Variants in FBXO7 observed in about 807,000 individuals in gnomAD.
FBXO7 encodes the protein F-box protein 7, also known as F-box only protein 7.
FBXO7 carries 31 observed loss-of-function variants against 50.2 expected under a neutral mutation model. The ratio of observed to expected loss-of-function variants is 0.62; its 90% confidence interval spans 0.46 to 0.83. The LOEUF is 0.83. Among genes scored for constraint, FBXO7 ranks in the 40% least tolerant of loss-of-function variants. The pLI is 0.00. For synonymous variants in FBXO7, 256 were observed against 253.1 expected (o/e 1.01, Z -0.11); for missense variants, 667 against 646.6 (o/e 1.03, Z -0.34).
chr22:32,495,371 T>TC, intron 7 of FBXO7, 122 bp from the exon 8 acceptor site: 2 of 602,130 alleles, frequency 3.3e-6, no homozygotes, highest in Middle Eastern at 5.3e-4. Context: ...ATGGTTAGTT[T>TC]TTTTTTTTTT....
chr22:32,487,878 A>G lies in FBXO7; in HGVS notation c.871+50A>G, dbSNP rs55986000. The G allele has an allele frequency of 6.0e-4, 687 of 1,146,678 alleles. 2 individuals are homozygous for G. Among genetic ancestry groups the G allele is most frequent in the Middle Eastern group, 1.9e-3 (10 of 5,144 alleles). 71.0% of individuals were successfully genotyped at this position (1,146,678 alleles called of 1,614,324 possible). On this transcript the variant is annotated intron_variant, in intron 5 of 8. Coordinates refer to ENST00000266087, the MANE Select transcript of FBXO7 (RefSeq NM_012179.4). Reference sequence around the variant, plus strand: ...TGGGGTGAAACTCTGTGAAATTCATATAAGAAAAAAATCTGAAAGATAATG... The same window carrying G: ...TGGGGTGAAACTCTGTGAAATTCATGTAAGAAAAAAATCTGAAAGATAATG...
At chr22:32,480,723 G>A (rs540111533) in intron 2 of FBXO7, among the ~76,000 whole-genome samples, 1 of 151,148 alleles carries the variant, frequency 6.6e-6, no homozygotes, top group East Asian at 1.9e-4. Flanking sequence ...AGGCTGGAGT[G>A]CAGTGGCACA....
chr22:32,487,896 A>C (rs1340114711), intron 5 of FBXO7, 68 bp downstream of exon 5: 2 of 990,446 alleles, frequency 2.0e-6, no homozygotes, highest in Non-Finnish European at 3.2e-6. Context: ...AAAATCTGAA[A>C]GATAATGTTC....
chr22:32,475,219 G>A lies in FBXO7; in HGVS notation c.122+95G>A, dbSNP rs1401464473. On this transcript the variant is annotated intron_variant, in intron 1 of 8. Transcript: ENST00000266087. ...GGCGTCATCTGTGGGCTGCAGGCGCGGGCGTGGCCGGGCGATAGGCCAAGT... is the reference window on the plus strand; with the variant it reads ...GGCGTCATCTGTGGGCTGCAGGCGCAGGCGTGGCCGGGCGATAGGCCAAGT... The A allele has an allele frequency of 4.6e-6, 7 of 1,509,286 alleles. No individual in the cohort carries two copies. In the South Asian group the frequency reaches 7.6e-5, roughly 16 times the overall value. The allele number at this position is 1,509,286 out of a possible 1,614,324, so 93.5% of individuals were successfully genotyped here.
At chr22:32,485,509 T>C (rs956486517) in intron 4 of FBXO7, among the ~76,000 whole-genome samples, 1 of 152,214 alleles carries the variant, frequency 6.6e-6, no homozygotes, top group African/African-American at 2.4e-5. Context: ...CAGTATTTGA[T>C]AATAGGAGTG....
Position 32,498,511 on chromosome 22 carries a change from G to A in FBXO7, c.1550G>A (p.Gly517Asp), listed in dbSNP as rs1158121378. Reference protein sequence around the residue: ...FRPSRGRPTDGRLSFM With the variant: ...FRPSRGRPTDDRLSFM ...CCCAGCAGGGGTCGGCCAACTGATG[G>A]CCGGCTGTCATTCATGTGATTGATT... Residue 517 changes from glycine to aspartate, a missense_variant, in exon 9 of 9, where the codon GGC (glycine) becomes GAC (aspartate). Coordinates refer to ENST00000266087, the MANE Select transcript of FBXO7 (RefSeq NM_012179.4). 6.2e-7 allele frequency: 1 copy of A among 1,613,724 alleles called. No homozygotes were observed. Among genetic ancestry groups the A allele is most frequent in the Non-Finnish European group, 8.5e-7 (1 of 1,180,030 alleles).
intron 4 of FBXO7, chr22:32,487,295 A>G (rs3827335): frequency 0.56 from 94,257 of 168,270 alleles, 27,145 homozygotes; most frequent in East Asian, 0.69. Context: ...AAGTATATTT[A>G]TCCTTTGGGT....
intron 7 of FBXO7, among the ~76,000 whole-genome samples, chr22:32,494,379 G>T (rs1409963686): frequency 1.3e-5 from 2 of 152,016 alleles, no homozygotes; most frequent in African/African-American, 4.8e-5. Flanking sequence ...GGGTCTAGTT[G>T]TGTTGCCCTG....
chr22:32,477,984 T>G (rs766845542), intron 1 of FBXO7: 6 of 152,252 alleles, frequency 3.9e-5, no homozygotes, highest in Non-Finnish European at 8.8e-5. Flanking sequence ...CGCTGGAGTC[T>G]GAATGAAAGG....
intron 2 of FBXO7, among the ~76,000 whole-genome samples, chr22:32,481,344 C>G (rs1476676540): frequency 6.6e-6 from 1 of 152,068 alleles, no homozygotes; most frequent in African/African-American, 2.4e-5. Flanking sequence ...TAGACTTGTT[C>G]TGGGATGACT....
rs765859072 is a variant in FBXO7 at position 32,498,251 on chromosome 22, C to T, written c.1290C>T (p.His430=). 5.0e-6 allele frequency: 8 copies of T among 1,614,212 alleles called. No homozygotes were observed. The highest frequency in any genetic ancestry group is 6.8e-6 in the Non-Finnish European group (8 of 1,180,038). ...TTCCATTCTATCCCAACCCCTTGCACCCTAGGCCATTTCCTAGCTCCCGCC... is the reference window on the plus strand; with the variant it reads ...TTCCATTCTATCCCAACCCCTTGCATCCTAGGCCATTTCCTAGCTCCCGCC... The part of the protein sequence containing the change: ...HTIPFYPNPL[H]PRPFPSSRLP... Residue 430 remains histidine (H), a synonymous_variant, in exon 9 of 9, where the codon CAC becomes CAT. Transcript: ENST00000266087.
At chr22:32,481,511 A>G (rs112466164) in intron 2 of FBXO7, among the ~76,000 whole-genome samples, 7 of 152,296 alleles carry the variant, frequency 4.6e-5, no homozygotes, top group African/African-American at 1.7e-4. Context: ...AAGATTTTGC[A>G]TATTGTTTTG....
Position 32,498,164 on chromosome 22 carries a change from A to G in FBXO7, c.1203A>G (p.Ile401Met). ...DWKELYRKRH[I>M]QRKESPKGRF... Reference sequence around the variant, plus strand: ...TACAGCTGTACAGGAAGAGGCACATACAAAGAAAAGAATCCCCGAAAGGGC... The same window carrying G: ...TACAGCTGTACAGGAAGAGGCACATGCAAAGAAAAGAATCCCCGAAAGGGC... Residue 401 changes from isoleucine to methionine, a missense_variant, in exon 9 of 9, where the codon ATA becomes ATG. Transcript: ENST00000266087. 1 of 1,614,192 alleles carries G rather than the reference A, an allele frequency of 6.2e-7. No homozygotes were observed. Among genetic ancestry groups the G allele is most frequent in the South Asian group, 1.1e-5 (1 of 91,084 alleles).
At chr22:32,476,917 G>A (rs2057432699) in intron 1 of FBXO7, among the ~76,000 whole-genome samples, 1 of 152,198 alleles carries the variant, frequency 6.6e-6, no homozygotes, top group Non-Finnish European at 1.5e-5. Flanking sequence ...GGGAGGAAGA[G>A]CTGGTATATT....
intron 3 of FBXO7, among the ~76,000 whole-genome samples, chr22:32,484,770 A>G (rs557002018): frequency 1.3e-5 from 2 of 152,318 alleles, no homozygotes; most frequent in South Asian, 4.1e-4. Context: ...AAATAATCAT[A>G]TGGCTTTGCT....
rs551797054 is a variant in FBXO7, at chr22:32,479,167, A to G, written c.309A>G (p.Gln103=). The G allele has an allele frequency of 3.1e-6, 5 of 1,613,980 alleles. No individual in the cohort carries two copies. The South Asian group carries it at 3.3e-5, about 11-fold the overall frequency. Residue 103 remains glutamine, a synonymous_variant, in exon 2 of 9, where the codon CAA becomes CAG. Transcript: ENST00000266087. The part of the protein sequence containing the change: ...SEHSSLQNNE[Q]PSLATSSNQT... ...ATTCTTCACTCCAGAATAATGAGCAACCCTCTTTGGCCACCAGCTCCAATC... is the reference window on the plus strand; with the variant it reads ...ATTCTTCACTCCAGAATAATGAGCAGCCCTCTTTGGCCACCAGCTCCAATC...
intron 3 of FBXO7, 76 bp from the exon 4 acceptor site, chr22:32,484,992 A>G: frequency 6.4e-7 from 1 of 1,569,352 alleles, no homozygotes; most frequent in Non-Finnish European, 8.8e-7. Context: ...ACAAGTTAGG[A>G]GTCTTTTGGA....
chr22:32,483,531 A>G (rs1367061604), intron 2 of FBXO7, among the ~76,000 whole-genome samples: 1 of 152,212 alleles, frequency 6.6e-6, no homozygotes, highest in Admixed American at 6.5e-5. Flanking sequence ...GATGTCGGGA[A>G]ATAAATGATG....
At chr22:32,477,800 G>A (rs1196357965) in intron 1 of FBXO7, among the ~76,000 whole-genome samples, 2 of 152,168 alleles carry the variant, frequency 1.3e-5, no homozygotes, top group African/African-American at 4.8e-5. Context: ...CTAGTGTTTG[G>A]TGGTTGCATT....
Sources: gnomAD v4.1 joint callset for allele counts (sites outside exome capture counted in the v4.1 genomes callset) on GRCh38, gnomAD v4.1.1 for gene constraint, MANE v1.5 for transcripts, NCBI Gene and HGNC (gene_info 2026-07-23, HGNC 2026-07-21) for gene names.